MAP4K3: variants seen among roughly 807,000 people sequenced by gnomAD.
MAP4K3 encodes the protein mitogen-activated protein kinase kinase kinase kinase 3, also known as MAPK/ERK kinase kinase kinase 3.
A neutral mutation model predicts 143.5 loss-of-function variants in MAP4K3; 94 were observed. The observed-to-expected ratio is 0.65, with a 90% CI of 0.55 to 0.78. The LOEUF (loss-of-function observed/expected upper bound fraction) is 0.78. MAP4K3 is among the 30% of genes least tolerant of loss of function. MAP4K3 has a pLI of 0.00. For synonymous variants in MAP4K3, 416 were observed against 347.2 expected, an observed-to-expected ratio of 1.20 and a Z score of -2.20; for missense variants, 1,077 against 1,068.1, an observed-to-expected ratio of 1.01 and a Z score of -0.12.
At chr2:39,376,952 C>T (rs10173556) in intron 2 of MAP4K3, among the ~76,000 whole-genome samples, 134,147 of 152,206 alleles carry the variant, frequency 0.88, 59,300 homozygotes, top group Non-Finnish European at 0.91. Context: ...TCTTGTCTTG[C>T]GATGTTTAGA....
At chr2:39,287,315 A>C (rs866388638) in intron 20 of MAP4K3, among the ~76,000 whole-genome samples, 1 of 150,476 alleles carries the variant, frequency 6.6e-6, no homozygotes, top group South Asian at 2.1e-4. Flanking sequence ...TTTTTTGAGA[A>C]GGAGTTTTGC....
chr2:39,366,968 A>C (rs1479039921), intron 2 of MAP4K3, among the ~76,000 whole-genome samples: 1 of 152,218 alleles, frequency 6.6e-6, no homozygotes, highest in Non-Finnish European at 1.5e-5. Flanking sequence ...GTATCTAATA[A>C]TCCTATTGAT....
intron 4 of MAP4K3, among the ~76,000 whole-genome samples, chr2:39,341,329 A>G (rs1347328924): frequency 1.3e-5 from 2 of 152,112 alleles, no homozygotes; most frequent in Non-Finnish European, 2.9e-5. Flanking sequence ...CTGAGGGTCA[A>G]ACACTGAGGA....
chr2:39,416,040 A>T (rs1282535640), intron 1 of MAP4K3, among the ~76,000 whole-genome samples: 1 of 130,962 alleles, frequency 7.6e-6, no homozygotes, highest in East Asian at 2.2e-4. Context: ...TCCCTCTATC[A>T]CTATCTTGTT....
intron 6 of MAP4K3, among the ~76,000 whole-genome samples, chr2:39,333,998 TG>T (rs768852419): frequency 5.4e-5 from 8 of 147,284 alleles, no homozygotes; most frequent in African/African-American, 7.8e-5. Flanking sequence ...TGTGTGTGTG[TG>T]TTTTTAAAAG....
intron 8 of MAP4K3, among the ~76,000 whole-genome samples, chr2:39,329,912 G>A (rs920654548): frequency 1.3e-5 from 2 of 152,102 alleles, no homozygotes; most frequent in Non-Finnish European, 2.9e-5. Flanking sequence ...AAGGATTAGT[G>A]GACATTTGAG....
intron 5 of MAP4K3, among the ~76,000 whole-genome samples, chr2:39,337,216 T>A (rs1378325476): frequency 6.6e-6 from 1 of 152,132 alleles, no homozygotes; most frequent in African/African-American, 2.4e-5. Context: ...TATACCTAAT[T>A]AGTATCAGAG....
At chr2:39,372,557 G>A (rs1403304980) in intron 2 of MAP4K3, among the ~76,000 whole-genome samples, 1 of 150,762 alleles carries the variant, frequency 6.6e-6, no homozygotes, top group Non-Finnish European at 1.5e-5. Flanking sequence ...CAGAGCTATG[G>A]TAACCAAAAC....
intron 1 of MAP4K3, among the ~76,000 whole-genome samples, chr2:39,424,601 G>A (rs1271770310): frequency 6.6e-6 from 1 of 151,980 alleles, no homozygotes; most frequent in Non-Finnish European, 1.5e-5. Flanking sequence ...AGGTTGAGGT[G>A]GGAGGATTGC....
intron 1 of MAP4K3, among the ~76,000 whole-genome samples, chr2:39,422,806 A>C (rs1456288798): frequency 6.6e-6 from 1 of 152,222 alleles, no homozygotes; most frequent in African/African-American, 2.4e-5. Flanking sequence ...ATAAATGTAA[A>C]ATGCAAAACA....
At chr2:39,286,216 G>A (rs1045146940) in intron 21 of MAP4K3, among the ~76,000 whole-genome samples, 1 of 152,224 alleles carries the variant, frequency 6.6e-6, no homozygotes, top group Non-Finnish European at 1.5e-5. Context: ...TAAGCAGCGT[G>A]CAACCTAGAT....
At chr2:39,290,782 A>T (rs1411355371) in intron 18 of MAP4K3, among the ~76,000 whole-genome samples, 1 of 152,188 alleles carries the variant, frequency 6.6e-6, no homozygotes, top group Non-Finnish European at 1.5e-5. Flanking sequence ...TATAGTTAAC[A>T]ATAACGGGCC....
At chr2:39,393,271 CAG>C (rs1351379808) in intron 1 of MAP4K3, among the ~76,000 whole-genome samples, 1 of 152,124 alleles carries the variant, frequency 6.6e-6, no homozygotes, top group Non-Finnish European at 1.5e-5. Context: ...GTAAAATAAA[CAG>C]AATGTTTACA....
At chr2:39,274,083 T>C (rs146439479) in intron 24 of MAP4K3, among the ~76,000 whole-genome samples, 14 of 152,358 alleles carry the variant, frequency 9.2e-5, no homozygotes, top group African/African-American at 3.4e-4. Context: ...GGTTTGCTTA[T>C]TTAATATAAA....
At chr2:39,356,203 G>T (rs374172408) in intron 3 of MAP4K3, 46 bp downstream of exon 3, 91 of 1,102,418 alleles carry the variant, frequency 8.3e-5, no homozygotes, top group Middle Eastern at 2.0e-4. Flanking sequence ...AATGCATTAG[G>T]TGATGAAATC....
At chr2:39,379,403 A>G (rs1479603622) in intron 1 of MAP4K3, among the ~76,000 whole-genome samples, 1 of 152,128 alleles carries the variant, frequency 6.6e-6, no homozygotes, top group Non-Finnish European at 1.5e-5. Flanking sequence ...AGGCAGTACA[A>G]AAGAGATTTG....
At chr2:39,400,901 T>G (rs1290368154) in intron 1 of MAP4K3, among the ~76,000 whole-genome samples, 5 of 152,128 alleles carry the variant, frequency 3.3e-5, no homozygotes, top group Non-Finnish European at 1.5e-5. Flanking sequence ...CACTTAGTCT[T>G]TAGACATGAA....
At chr2:39,415,636 T>C (rs1667348312) in intron 1 of MAP4K3, among the ~76,000 whole-genome samples, 1 of 151,996 alleles carries the variant, frequency 6.6e-6, no homozygotes, top group Admixed American at 6.5e-5. Context: ...ACTTTTGGTG[T>C]TCATTAATGG....
intron 1 of MAP4K3, among the ~76,000 whole-genome samples, chr2:39,414,144 A>G (rs925439235): frequency 2.0e-5 from 3 of 152,190 alleles, no homozygotes; most frequent in African/African-American, 4.8e-5. Flanking sequence ...TAATCTCTAT[A>G]GAAATAGCCA....
Sources: gnomAD v4.1 joint callset for allele counts (sites outside exome capture counted in the v4.1 genomes callset) on GRCh38, gnomAD v4.1.1 for gene constraint, MANE v1.5 for transcripts, NCBI Gene and HGNC (gene_info 2026-07-23, HGNC 2026-07-21) for gene names.